The following NCOA2 variants were observed in gnomAD, a reference collection of about 807,000 sequenced individuals.
NCOA2 encodes class E basic helix-loop-helix protein 75.
NCOA2 carries 21 observed loss-of-function variants against 145.1 expected under a neutral mutation model. That is an observed-to-expected ratio of 0.14 (90% confidence interval 0.10 to 0.21). The LOEUF (loss-of-function observed/expected upper bound fraction) is 0.21. Among genes scored for constraint, NCOA2 ranks in the 10% least tolerant of loss-of-function variants. The pLI, the probability that NCOA2 is intolerant of heterozygous loss-of-function variation, is 1.00. For synonymous variants in NCOA2, 619 were observed against 637.5 expected (o/e 0.97, Z 0.44); for missense variants, 1,472 against 1,837.6 (o/e 0.80, Z 3.64).
At chr8:70,412,538 C>A in the NCOA2 span, among the ~76,000 whole-genome samples, 5 of 147,542 alleles carry the variant, frequency 3.4e-5, no homozygotes, top group Non-Finnish European at 7.4e-5. Context: ...AGAATTTATA[C>A]TCAGGAAGCT....
chr8:70,113,415 T>C lies in NCOA2; in HGVS notation c.*217A>G. 6.7e-6 allele frequency: 4 copies of C among 596,582 alleles called. No individual in the cohort carries two copies. The highest frequency in any genetic ancestry group is 1.2e-5 in the Non-Finnish European group (4 of 333,640). The allele number at this position is 596,582 out of a possible 1,614,324, so 37.0% of individuals were successfully genotyped here. ...GAATGCAGTGAACAGACTGAGCGAC[T>C]GTCTGGATGCGAGCTTCAGACTGTC... On this transcript the variant is annotated 3_prime_UTR_variant, in exon 23 of 23. Transcript: ENST00000452400.
At chr8:70,441,836 A>C in the NCOA2 span, among the ~76,000 whole-genome samples, 1 of 150,778 alleles carries the variant, frequency 6.6e-6, no homozygotes, top group Non-Finnish European at 1.5e-5. Context: ...GAAAGAAAGA[A>C]AGAAAGACAG....
upstream of NCOA2, chr8:70,403,876 C>G (rs528224605): frequency 1.3e-5 from 5 of 385,810 alleles, no homozygotes; most frequent in East Asian, 1.8e-4. Flanking sequence ...CCTCCTCCTC[C>G]TCCGCGTCTC....
At chr8:70,159,444 G>A in intron 10 of NCOA2, 61 bp downstream of exon 10, 12 of 1,413,610 alleles carry the variant, frequency 8.5e-6, no homozygotes, top group Middle Eastern at 2.3e-4. Context: ...ATAATTTGCT[G>A]CTTTTGTAAT....
chr8:70,356,909 C>A (rs1490062158), intron 1 of NCOA2, among the ~76,000 whole-genome samples: 5 of 152,178 alleles, frequency 3.3e-5, no homozygotes, highest in African/African-American at 1.2e-4. Context: ...TTAAAGTCAT[C>A]TTTTCTTGGC....
At chr8:70,206,146 G>T (rs1033589393) in intron 4 of NCOA2, among the ~76,000 whole-genome samples, 1 of 152,238 alleles carries the variant, frequency 6.6e-6, no homozygotes, top group African/African-American at 2.4e-5. Context: ...TGCCCGCAGT[G>T]TCACAATATG....
intron 1 of NCOA2, among the ~76,000 whole-genome samples, chr8:70,311,833 C>A (rs1457279599): frequency 6.6e-6 from 1 of 152,188 alleles, no homozygotes; most frequent in Non-Finnish European, 1.5e-5. Context: ...AAAAATTCTA[C>A]CATCCTCAAA....
the NCOA2 span, among the ~76,000 whole-genome samples, chr8:70,444,864 T>C: frequency 2.1e-4 from 32 of 152,214 alleles, no homozygotes; most frequent in African/African-American, 7.2e-4. Flanking sequence ...AGTTCAAAAT[T>C]ACATGAAATT....
chr8:70,253,708 G>T (rs1340765033), intron 2 of NCOA2, among the ~76,000 whole-genome samples: 1 of 152,046 alleles, frequency 6.6e-6, no homozygotes, highest in Non-Finnish European at 1.5e-5. Flanking sequence ...TCATGAAAAA[G>T]AATAATGCTG....
At chr8:70,132,076 G>A (rs1009890246) in intron 15 of NCOA2, 74 bp from the exon 16 acceptor site, 1 of 1,446,904 alleles carries the variant, frequency 6.9e-7, no homozygotes, top group African/African-American at 1.4e-5. Context: ...TTATCTCAAA[G>A]GTGAAAGTAT....
chr8:70,368,621 G>C (rs1810926119), intron 1 of NCOA2, among the ~76,000 whole-genome samples: 1 of 152,096 alleles, frequency 6.6e-6, no homozygotes, highest in South Asian at 2.1e-4. Context: ...GTATAGTTTA[G>C]ACTGTTTATT....
At chr8:70,416,187 G>GTTTTTTTTTTTTTTTTTTT in the NCOA2 span, among the ~76,000 whole-genome samples, 1 of 136,754 alleles carries the variant, frequency 7.3e-6, no homozygotes, top group Non-Finnish European at 1.6e-5. Context: ...GGGGACCTCA[G>GTTTTTTTTTTTTTTTTTTT]TTTTTTTGTT....
intron 2 of NCOA2, among the ~76,000 whole-genome samples, chr8:70,249,963 CAAAAA>C (rs747018939): frequency 5.6e-4 from 42 of 75,232 alleles, no homozygotes; most frequent in African/African-American, 2.1e-3. Flanking sequence ...AATCTGCCTC[CAAAAA>C]AAAAAAAAAA....
At chr8:70,424,936 A>T in the NCOA2 span, among the ~76,000 whole-genome samples, 3 of 152,100 alleles carry the variant, frequency 2.0e-5, no homozygotes. Context: ...CACCTCCCAA[A>T]TGGGTGGAGT....
the NCOA2 span, among the ~76,000 whole-genome samples, chr8:70,414,989 T>C: frequency 6.6e-6 from 1 of 152,072 alleles, no homozygotes; most frequent in East Asian, 1.9e-4. Context: ...AGTGAAAATT[T>C]GTTCAGTTTC....
intron 22 of NCOA2, among the ~76,000 whole-genome samples, chr8:70,118,502 G>A (rs1019603975): frequency 2.0e-5 from 3 of 152,022 alleles, no homozygotes; most frequent in East Asian, 1.9e-4. Flanking sequence ...TCTGCCACTC[G>A]GGACTGTGAT....
chr8:70,286,189 G>T (rs995878128), intron 2 of NCOA2, among the ~76,000 whole-genome samples: 4 of 152,078 alleles, frequency 2.6e-5, no homozygotes, highest in African/African-American at 9.7e-5. Flanking sequence ...GAGGTGGGAG[G>T]ATCACTTGAG....
chr8:70,294,167 C>T (rs1826909952), intron 2 of NCOA2, among the ~76,000 whole-genome samples: 1 of 152,088 alleles, frequency 6.6e-6, no homozygotes, highest in Admixed American at 6.5e-5. Flanking sequence ...TCCTGATATA[C>T]TGCAAGGCTA....
chr8:70,205,642 A>G (rs906479157), intron 4 of NCOA2, among the ~76,000 whole-genome samples: 7 of 152,222 alleles, frequency 4.6e-5, no homozygotes, highest in African/African-American at 1.2e-4. Context: ...GAAGACCCAG[A>G]AGGAGGAAAC....
Sources: allele counts gnomAD v4.1 joint callset (sites outside exome capture counted in the v4.1 genomes callset), GRCh38; gene constraint gnomAD v4.1.1; transcripts MANE v1.5; gene names NCBI Gene and HGNC (gene_info 2026-07-23, HGNC 2026-07-21).